GRM7: variants seen among roughly 807,000 people sequenced by gnomAD.
GRM7 encodes metabotropic glutamate receptor 7.
GRM7 carries 35 observed loss-of-function variants against 84.5 expected under a neutral mutation model. That is an observed-to-expected ratio of 0.41 (90% confidence interval 0.32 to 0.55). The LOEUF (loss-of-function observed/expected upper bound fraction) is 0.55. GRM7 is among the 20% of genes least tolerant of loss of function. The pLI is 0.19. For missense variants in GRM7, 1,003 were observed against 1,194.6 expected, an observed-to-expected ratio of 0.84 and a Z score of 2.36; for synonymous variants, 487 against 455.1, an observed-to-expected ratio of 1.07 and a Z score of -0.89.
chr3:7,493,545 C>T (rs73017817), intron 7 of GRM7, among the ~76,000 whole-genome samples: 17,433 of 151,760 alleles, frequency 0.11, 1,738 homozygotes, highest in African/African-American at 0.27. Context: ...TCTTGTTTAC[C>T]TTCAACCTAA....
chr3:7,502,388 C>T (rs1455182452), intron 7 of GRM7, among the ~76,000 whole-genome samples: 3 of 152,120 alleles, frequency 2.0e-5, no homozygotes, highest in Non-Finnish European at 4.4e-5. Flanking sequence ...GTTGAAAGTA[C>T]ACAAGACACA....
chr3:7,664,545 T>C (rs1699601034), intron 8 of GRM7, among the ~76,000 whole-genome samples: 2 of 152,216 alleles, frequency 1.3e-5, no homozygotes, highest in Admixed American at 1.3e-4. Flanking sequence ...AGTTCTAAGG[T>C]ACATATGCAG....
At chr3:7,079,819 C>T (rs955313787) in intron 1 of GRM7, among the ~76,000 whole-genome samples, 12 of 152,110 alleles carry the variant, frequency 7.9e-5, no homozygotes, top group African/African-American at 2.7e-4. Flanking sequence ...GATAACTGCA[C>T]ACATGTGGTG....
chr3:7,494,718 A>C (rs77940229), intron 7 of GRM7, among the ~76,000 whole-genome samples: 2,047 of 152,202 alleles, frequency 0.013, 39 homozygotes, highest in African/African-American at 0.047. Flanking sequence ...TCTGTCATCT[A>C]TACTCTTGAG....
rs78221092 is a variant in GRM7 at position 7,463,595 on chromosome 3, G to T, written c.1515+1873G>T. On this transcript the variant is annotated intron_variant, in intron 7 of 9. Transcript: ENST00000357716. ...GTACTCAGCAAACAGATATGTACAT[G>T]GAAATTCTGAGGTGTGATAATGGAA... Among the ~76,000 whole-genome samples the T allele has an allele frequency of 2.7e-3, 405 of 152,146 alleles. 4 individuals are homozygous for T. The highest frequency in any genetic ancestry group is 0.01 in the Middle Eastern group (3 of 294).
intron 1 of GRM7, among the ~76,000 whole-genome samples, chr3:6,987,282 G>A (rs1694450864): frequency 6.6e-6 from 1 of 151,810 alleles, no homozygotes; most frequent in Non-Finnish European, 1.5e-5. Flanking sequence ...ATAAAATAAT[G>A]AATAAATGCA....
intron 2 of GRM7, among the ~76,000 whole-genome samples, chr3:7,233,569 A>G (rs1325702343): frequency 6.6e-6 from 1 of 152,144 alleles, no homozygotes; most frequent in Non-Finnish European, 1.5e-5. Flanking sequence ...TGTAACAGCT[A>G]TTTTGAAAGA....
chr3:7,055,539 A>G (rs1317341923), intron 1 of GRM7, among the ~76,000 whole-genome samples: 3 of 150,420 alleles, frequency 2.0e-5, no homozygotes, highest in African/African-American at 7.3e-5. Context: ...ACACACATTT[A>G]AGACAGAGTC....
intron 5 of GRM7, 87 bp downstream of exon 5, chr3:7,415,250 G>A: frequency 2.6e-6 from 3 of 1,135,402 alleles, no homozygotes; most frequent in Non-Finnish European, 3.9e-6. Flanking sequence ...AAGCTTGGCT[G>A]GAGACAAATT....
At chr3:7,672,620 T>TTTTG (rs1699964736) in intron 8 of GRM7, among the ~76,000 whole-genome samples, 1 of 147,932 alleles carries the variant, frequency 6.8e-6, no homozygotes, top group Non-Finnish European at 1.5e-5. Flanking sequence ...TTTTTTTTTT[T>TTTTG]TTGAGACGGA....
chr3:7,316,724 A>T (rs376942257), intron 4 of GRM7, among the ~76,000 whole-genome samples: 2 of 152,050 alleles, frequency 1.3e-5, no homozygotes, highest in African/African-American at 2.4e-5. Context: ...CTTATTAGAC[A>T]TCCAAGTATC....
At chr3:7,127,432 T>C (rs891000959) in intron 1 of GRM7, among the ~76,000 whole-genome samples, 5 of 152,194 alleles carry the variant, frequency 3.3e-5, no homozygotes, top group African/African-American at 9.6e-5. Context: ...AATGACAGTA[T>C]CTTATATAAA....
chr3:7,240,994 G>A (rs943830423), intron 2 of GRM7, among the ~76,000 whole-genome samples: 1 of 152,106 alleles, frequency 6.6e-6, no homozygotes, highest in African/African-American at 2.4e-5. Flanking sequence ...GTATGTAATA[G>A]ACGATGCCAT....
chr3:7,353,186 C>T (rs185112473), intron 4 of GRM7, among the ~76,000 whole-genome samples: 31 of 152,100 alleles, frequency 2.0e-4, no homozygotes, highest in Admixed American at 2.6e-4. Context: ...AGACTCAAGA[C>T]GCAGCAGGTC....
chr3:7,481,909 C>T (rs1415926049), intron 7 of GRM7, among the ~76,000 whole-genome samples: 2 of 152,150 alleles, frequency 1.3e-5, no homozygotes, highest in African/African-American at 2.4e-5. Context: ...GTATTTCAGC[C>T]GGGTGCAGTG....
chr3:7,092,498 A>G (rs556805919), intron 1 of GRM7, among the ~76,000 whole-genome samples: 79 of 152,068 alleles, frequency 5.2e-4, no homozygotes, highest in Non-Finnish European at 9.3e-4. Context: ...AAGCTAATCA[A>G]TGTTAAATAG....
intron 2 of GRM7, among the ~76,000 whole-genome samples, chr3:7,224,244 C>T (rs557645414): frequency 2.4e-4 from 37 of 152,154 alleles, no homozygotes; most frequent in African/African-American, 8.0e-4. Context: ...GAAGGGGGAG[C>T]GCATATATTA....
chr3:7,388,190 C>A (rs1260116391), intron 4 of GRM7, among the ~76,000 whole-genome samples: 1 of 152,056 alleles, frequency 6.6e-6, no homozygotes, highest in Non-Finnish European at 1.5e-5. Context: ...AGCCTTTTGG[C>A]ACAGTCTTAA....
At chr3:7,082,155 T>C (rs1698294414) in intron 1 of GRM7, among the ~76,000 whole-genome samples, 1 of 152,038 alleles carries the variant, frequency 6.6e-6, no homozygotes, top group Admixed American at 6.6e-5. Context: ...ATCTGGGACT[T>C]TTGTAGGTAT....
Sources: gnomAD v4.1 joint callset for allele counts (sites outside exome capture counted in the v4.1 genomes callset) on GRCh38, gnomAD v4.1.1 for gene constraint, MANE v1.5 for transcripts, NCBI Gene and HGNC (gene_info 2026-07-23, HGNC 2026-07-21) for gene names.